The following NUP214 variants were observed in gnomAD, a reference collection of about 807,000 sequenced individuals.
NUP214 encodes the protein nuclear pore complex protein Nup214.
A neutral mutation model predicts 196.2 loss-of-function variants in NUP214; 79 were observed. The ratio of observed to expected loss-of-function variants is 0.40; its 90% CI spans 0.34 to 0.49. The LOEUF is 0.49. Ranked by LOEUF, NUP214 falls within the 20% of genes least tolerant of loss-of-function variation. NUP214 has a pLI of 0.58. For synonymous variants in NUP214, 1,020 were observed against 990.5 expected, an observed-to-expected ratio of 1.03 and a Z score of -0.56; for missense variants, 2,468 against 2,539.0, an observed-to-expected ratio of 0.97 and a Z score of 0.60.
At position 131,214,791 on chromosome 9, in the gene NUP214, T is replaced by C. The variant is rs925019220; in HGVS notation, c.5593-421T>C. Among the ~76,000 whole-genome samples the C allele has an allele frequency of 2.6e-5, 4 of 152,190 alleles. No homozygotes were observed. The East Asian group carries it at 7.7e-4, about 29-fold the overall frequency. On this transcript the variant is annotated intron_variant, in intron 30 of 35. Coordinates refer to ENST00000359428, the MANE Select transcript of NUP214 (RefSeq NM_005085.4). ...GAAAGACAGTGAAAATCACTTATCA[T>C]CCATTGCTAATGAGTTCAGCCAAAC...
chr9:131,142,391 G>A (rs1187621635), intron 11 of NUP214, among the ~76,000 whole-genome samples: 1 of 152,248 alleles, frequency 6.6e-6, no homozygotes, highest in African/African-American at 2.4e-5. Context: ...GTGTTCAGAT[G>A]TGTAGAAGAG....
intron 9 of NUP214, 121 bp from the exon 10 acceptor site, chr9:131,139,160 A>G (rs1046813007): frequency 1.2e-4 from 134 of 1,162,680 alleles, no homozygotes; most frequent in Middle Eastern, 3.0e-4. Context: ...GTCTAAACCA[A>G]GTGAGTCATC....
intron 1 of NUP214, 85 bp from the exon 2 acceptor site, chr9:131,127,439 T>C: frequency 1.9e-6 from 2 of 1,055,470 alleles, no homozygotes; most frequent in Non-Finnish European, 2.8e-6. Context: ...CATATTTTTG[T>C]TGTACTGAAA....
chr9:131,157,459 G>GTTTTT lies in NUP214; in HGVS notation c.2437-1905_2437-1901dup, dbSNP rs146677149. On this transcript the variant is annotated intron_variant, in intron 17 of 35. Coordinates refer to ENST00000359428, the MANE Select transcript of NUP214 (RefSeq NM_005085.4). ...ACAGGTGTGAGCCACTGTGTCTGGC[G>GTTTTT]TTTTTTTTTTTTTTTTTTTTTTTGA... is the stretch of plus-strand genomic sequence containing the variant. 4.0e-4 allele frequency among the ~76,000 whole-genome samples: 30 copies of GTTTTT among 74,692 alleles called. 2 individuals are homozygous for GTTTTT. The highest frequency in any genetic ancestry group is 6.7e-4 in the African/African-American group (12 of 17,898). The allele number at this position is 74,692 out of a possible 152,430, so 49.0% of individuals were successfully genotyped here. A position where few individuals can be genotyped will look rare whatever the true frequency, so the allele number is the denominator to read the frequency against.
chr9:131,196,507 T>C (rs1009649562), intron 28 of NUP214, among the ~76,000 whole-genome samples: 54 of 152,222 alleles, frequency 3.5e-4, no homozygotes, highest in African/African-American at 1.3e-3. Flanking sequence ...CCAGGCCTTA[T>C]GGGTGCTTTA....
intron 31 of NUP214, among the ~76,000 whole-genome samples, chr9:131,218,292 C>T (rs1834459402): frequency 6.6e-6 from 1 of 152,158 alleles, no homozygotes; most frequent in Non-Finnish European, 1.5e-5. Context: ...TGTTTTAACT[C>T]TGAGGGCCAC....
intron 32 of NUP214, among the ~76,000 whole-genome samples, chr9:131,224,487 A>T (rs1035939201): frequency 6.6e-6 from 1 of 152,206 alleles, no homozygotes; most frequent in African/African-American, 2.4e-5. Flanking sequence ...TGGCCCTCGT[A>T]TGCAGGGGAT....
intron 32 of NUP214, among the ~76,000 whole-genome samples, chr9:131,224,241 A>G (rs1435540388): frequency 6.6e-6 from 1 of 152,322 alleles, no homozygotes; most frequent in African/African-American, 2.4e-5. Context: ...TGTATTTATA[A>G]CTACAAATTT....
At chr9:131,193,624 C>CTTTTCTTTTTT (rs1833676857) in intron 27 of NUP214, among the ~76,000 whole-genome samples, 2 of 17,656 alleles carry the variant, frequency 1.1e-4, no homozygotes, top group Non-Finnish European at 3.0e-4. Flanking sequence ...ATTCTTCTTC[C>CTTTTCTTTTTT]TTTTCTTTTT....
At chr9:131,176,686 T>C (rs1833131086) in intron 23 of NUP214, among the ~76,000 whole-genome samples, 1 of 152,156 alleles carries the variant, frequency 6.6e-6, no homozygotes, top group African/African-American at 2.4e-5. Context: ...CGCTAATAAG[T>C]CAGTTAGCAC....
intron 4 of NUP214, among the ~76,000 whole-genome samples, chr9:131,129,947 A>G (rs1831480115): frequency 6.6e-6 from 1 of 151,994 alleles, no homozygotes; most frequent in East Asian, 1.9e-4. Flanking sequence ...GAAGCCAAAC[A>G]GCATACATAA....
intron 31 of NUP214, 120 bp from the exon 32 acceptor site, chr9:131,222,658 T>G: frequency 8.2e-7 from 1 of 1,224,066 alleles, no homozygotes. Context: ...CTCCCTTGGC[T>G]TCTAGGCGGC....
chr9:131,144,099 A>G (rs1261853587), intron 11 of NUP214, among the ~76,000 whole-genome samples, 181 bp from the exon 12 acceptor site: 1 of 152,078 alleles, frequency 6.6e-6, no homozygotes, highest in East Asian at 1.9e-4. Context: ...CTTCAGTTTC[A>G]TTTATCTCAT....
intron 28 of NUP214, 70 bp downstream of exon 28, chr9:131,195,364 CAT>C (rs776060224): frequency 3.0e-4 from 375 of 1,245,764 alleles, no homozygotes; most frequent in Non-Finnish European, 3.6e-4. Context: ...TTTTTGCCCA[CAT>C]GTTAGTATTT....
At position 131,175,641 on chromosome 9, in the gene NUP214, A is replaced by G; in HGVS notation, c.3319+20A>G. On this transcript the variant is annotated intron_variant, in intron 23 of 35. Coordinates refer to ENST00000359428, the MANE Select transcript of NUP214 (RefSeq NM_005085.4). ...CACCAGGTAAAAGCTGTAGCCCCAT[A>G]CCTGTACAGAGGCTGATTATGAGCT... The G allele has an allele frequency of 6.2e-7, 1 of 1,612,194 alleles. No homozygotes were observed. Among genetic ancestry groups the G allele is most frequent in the Non-Finnish European group, 8.5e-7 (1 of 1,179,218 alleles).
In NUP214 at chr9:131,174,447, C is replaced by CTTTT. The variant is rs1299530269; in HGVS notation, c.3157+133_3157+136dup. On this transcript the variant is annotated intron_variant, in intron 22 of 35. Coordinates refer to ENST00000359428, the MANE Select transcript of NUP214 (RefSeq NM_005085.4). ...CTCCAGCCCACTTTTTTTTTTTTTT[C>CTTTT]TTTTTTTCTTTTTTTTTTTGAGGTG... The CTTTT allele has an allele frequency of 9.9e-4, 348 of 349,892 alleles. 11 individuals carry two copies. The highest frequency in any genetic ancestry group is 1.7e-3 in the Middle Eastern group (2 of 1,164). The allele number at this position is 349,892 out of a possible 1,614,324, so 21.7% of individuals were successfully genotyped here. A position where few individuals can be genotyped will look rare whatever the true frequency, so the allele number is the denominator to read the frequency against.
At chr9:131,227,510 C>T (rs1027960526) in intron 32 of NUP214, among the ~76,000 whole-genome samples, 1 of 151,240 alleles carries the variant, frequency 6.6e-6, no homozygotes, top group Non-Finnish European at 1.5e-5. Context: ...CTCCACTGAG[C>T]GAGAGAAAGG....
chr9:131,171,920 A>G (rs1832969753), intron 21 of NUP214, among the ~76,000 whole-genome samples: 2 of 152,288 alleles, frequency 1.3e-5, no homozygotes, highest in South Asian at 4.1e-4. Flanking sequence ...TCCATGATGT[A>G]TATGTGCCAC....
At chr9:131,168,218 T>C (rs1219032185) in intron 21 of NUP214, among the ~76,000 whole-genome samples, 2 of 152,210 alleles carry the variant, frequency 1.3e-5, no homozygotes, top group South Asian at 2.1e-4. Flanking sequence ...AATTGTAAAA[T>C]AGTGAGATTT....
Sources: allele counts gnomAD v4.1 joint callset (sites outside exome capture counted in the v4.1 genomes callset), GRCh38; gene constraint gnomAD v4.1.1; transcripts MANE v1.5; gene names NCBI Gene and HGNC (gene_info 2026-07-23, HGNC 2026-07-21).